The following DLGAP2 variants were observed in gnomAD, a reference collection of about 807,000 sequenced individuals.
DLGAP2 encodes the protein DLG associated protein 2.
DLGAP2 carries 26 observed loss-of-function variants against 100.3 expected under a neutral mutation model. The ratio of observed to expected loss-of-function variants is 0.26; its 90% CI spans 0.19 to 0.36. The LOEUF is 0.36. DLGAP2 is among the 10% of genes least tolerant of loss of function. The pLI is 1.00. For synonymous variants in DLGAP2, 886 were observed against 630.1 expected (o/e 1.41, Z -6.08); for missense variants, 1,858 against 1,453.2 (o/e 1.28, Z -4.53).
At chr8:1,627,455 C>A (rs79158454) in intron 7 of DLGAP2, among the ~76,000 whole-genome samples, 5,098 of 152,280 alleles carry the variant, frequency 0.033, 263 homozygotes, top group African/African-American at 0.12. Context: ...AAGGGAGGCC[C>A]CCCTGCTCCC....
intron 2 of DLGAP2, among the ~76,000 whole-genome samples, chr8:1,026,935 G>A (rs1453365264): frequency 6.6e-6 from 1 of 152,186 alleles, no homozygotes; most frequent in Non-Finnish European, 1.5e-5. Flanking sequence ...ATCTTTTTAA[G>A]ATATGCCTGT....
At chr8:1,511,463 G>A (rs1433067593) in intron 4 of DLGAP2, among the ~76,000 whole-genome samples, 2 of 151,374 alleles carry the variant, frequency 1.3e-5, no homozygotes, top group East Asian at 3.9e-4. Flanking sequence ...CGTAAGGGCT[G>A]TCTAGTGTAG....
chr8:1,447,488 C>T (rs950715537), intron 3 of DLGAP2, among the ~76,000 whole-genome samples: 24 of 152,092 alleles, frequency 1.6e-4, no homozygotes, highest in Non-Finnish European at 2.9e-4. Context: ...TTCGGTTTGC[C>T]AGTATTTTAT....
chr8:1,163,257 G>T (rs1420556439), intron 2 of DLGAP2, among the ~76,000 whole-genome samples: 3 of 152,202 alleles, frequency 2.0e-5, no homozygotes, highest in African/African-American at 7.2e-5. Context: ...CTCCCTCTGG[G>T]GAGTCCCCTG....
intron 2 of DLGAP2, among the ~76,000 whole-genome samples, chr8:1,131,143 T>A (rs1167985857): frequency 6.6e-6 from 1 of 152,208 alleles, no homozygotes; most frequent in Non-Finnish European, 1.5e-5. Context: ...GCAGTAATTC[T>A]ACCTTCACAC....
intron 5 of DLGAP2, among the ~76,000 whole-genome samples, chr8:1,562,508 T>A (rs1802209111): frequency 2.3e-5 from 1 of 44,286 alleles, no homozygotes; most frequent in Non-Finnish European, 4.3e-5. Flanking sequence ...GACTGTGTGG[T>A]GTTGGGGTGT....
chr8:1,152,840 G>T (rs1008239961), intron 2 of DLGAP2, among the ~76,000 whole-genome samples: 2 of 152,248 alleles, frequency 1.3e-5, no homozygotes, highest in African/African-American at 4.8e-5. Context: ...AAATGCTGCC[G>T]TGTTCTTCCA....
chr8:958,516 A>G (rs1393023969), intron 2 of DLGAP2, among the ~76,000 whole-genome samples: 2 of 150,102 alleles, frequency 1.3e-5, no homozygotes, highest in African/African-American at 4.9e-5. Flanking sequence ...ATCTTTCTGG[A>G]ATAGTGTTTT....
chr8:749,032 GCTTGTTA>G (rs1459899887), intron 1 of DLGAP2, among the ~76,000 whole-genome samples: 5 of 152,178 alleles, frequency 3.3e-5, no homozygotes, highest in African/African-American at 1.2e-4. Flanking sequence ...AGGGGGCCTT[GCTTGTTA>G]CCCAGGCTGG....
chr8:1,183,550 A>G (rs1026369005), intron 2 of DLGAP2, among the ~76,000 whole-genome samples: 6 of 152,202 alleles, frequency 3.9e-5, no homozygotes, highest in Admixed American at 1.3e-4. Context: ...CCTATGAGGT[A>G]GCTGCTGTTA....
At chr8:1,409,586 CT>C (rs113611125) in intron 3 of DLGAP2, among the ~76,000 whole-genome samples, 7,917 of 152,318 alleles carry the variant, frequency 0.052, 495 homozygotes, top group East Asian at 0.25. Flanking sequence ...GTCACCTAGA[CT>C]GGGATAGGGG....
At chr8:945,114 A>T (rs185301588) in intron 2 of DLGAP2, among the ~76,000 whole-genome samples, 17 of 152,340 alleles carry the variant, frequency 1.1e-4, no homozygotes, top group Admixed American at 9.1e-4. Flanking sequence ...TATTGGGGAG[A>T]ATGAGGATTC....
chr8:1,065,315 G>A (rs929345155), intron 2 of DLGAP2, among the ~76,000 whole-genome samples: 1 of 152,254 alleles, frequency 6.6e-6, no homozygotes, highest in Non-Finnish European at 1.5e-5. Context: ...AGTAAAATTC[G>A]CATTTTTCAT....
chr8:1,030,948 A>G (rs1801954218), intron 2 of DLGAP2, among the ~76,000 whole-genome samples: 1 of 152,216 alleles, frequency 6.6e-6, no homozygotes, highest in Non-Finnish European at 1.5e-5. Flanking sequence ...CCAGTGTCAG[A>G]TCCACACCGA....
chr8:1,236,232 C>A lies in DLGAP2; in HGVS notation c.74-22619C>A, dbSNP rs1445504005. On this transcript the variant is annotated intron_variant, in intron 2 of 14. Coordinates refer to ENST00000637795, the MANE Select transcript of DLGAP2 (RefSeq NM_001346810.2). ...CACATGGCGCCGTGTCTAGTTCTCT[C>A]ACATGGCACCATGTCTAGTTATCTC... Among the ~76,000 whole-genome samples the A allele has an allele frequency of 2.3e-5, 2 of 87,858 alleles. 1 individual carries two copies. The highest frequency in any genetic ancestry group is 4.5e-5 in the Non-Finnish European group (2 of 44,406). 57.6% of individuals were successfully genotyped at this position (87,858 alleles called of 152,430 possible).
At chr8:1,428,894 G>A (rs6558473) in intron 3 of DLGAP2, among the ~76,000 whole-genome samples, 12 of 152,060 alleles carry the variant, frequency 7.9e-5, no homozygotes, top group African/African-American at 2.7e-4. Flanking sequence ...ACAGGACGTC[G>A]TCTCATGCCC....
rs538628579 is a variant in DLGAP2, at chr8:1,116,006, G to C, written c.74-142845G>C. 2.6e-5 allele frequency among the ~76,000 whole-genome samples: 4 copies of C among 152,314 alleles called. No homozygotes were observed. The East Asian group carries it at 7.7e-4, about 29-fold the overall frequency. Reference sequence around the variant, plus strand: ...GGAAACGATCCCAGCAGACAGCACCGTGGGAGCCATTCACTCCGTCAGACG... The same window carrying C: ...GGAAACGATCCCAGCAGACAGCACCCTGGGAGCCATTCACTCCGTCAGACG... On this transcript the variant is annotated intron_variant, in intron 2 of 14. Coordinates refer to ENST00000637795, the MANE Select transcript of DLGAP2 (RefSeq NM_001346810.2).
At chr8:1,353,688 A>G (rs1801785568) in intron 3 of DLGAP2, among the ~76,000 whole-genome samples, 2 of 152,256 alleles carry the variant, frequency 1.3e-5, no homozygotes, top group Non-Finnish European at 2.9e-5. Context: ...TTTTAGAAGC[A>G]TGAAAATGAA....
intron 3 of DLGAP2, among the ~76,000 whole-genome samples, chr8:1,331,939 C>A (rs141965342): frequency 2.1e-3 from 318 of 152,222 alleles, no homozygotes; most frequent in African/African-American, 7.0e-3. Flanking sequence ...TAGGGAGCCA[C>A]TGGGGAGGGC....
Sources: allele counts gnomAD v4.1 joint callset (sites outside exome capture counted in the v4.1 genomes callset), GRCh38; gene constraint gnomAD v4.1.1; transcripts MANE v1.5; gene names NCBI Gene and HGNC (gene_info 2026-07-23, HGNC 2026-07-21).